PRELID2: variants seen among roughly 807,000 people sequenced by gnomAD.
PRELID2 encodes the protein PRELI domain-containing protein 2.
A neutral mutation model predicts 28.4 loss-of-function variants in PRELID2; 25 were observed. The ratio of observed to expected loss-of-function variants is 0.88; its 90% confidence interval spans 0.64 to 1.23. The LOEUF (loss-of-function observed/expected upper bound fraction) is 1.23. Among genes scored for constraint, PRELID2 ranks in the 50% most tolerant of loss-of-function variants. The probability of loss-of-function intolerance (pLI) is 0.00; values close to 1 mark genes in which losing one functional copy is unlikely to be tolerated. For missense variants in PRELID2, 201 were observed against 214.4 expected (o/e 0.94, Z 0.39); for synonymous variants, 76 against 71.6 (o/e 1.06, Z -0.31).
At chr5:145,410,828 C>T in the PRELID2 span, among the ~76,000 whole-genome samples, 1 of 152,130 alleles carries the variant, frequency 6.6e-6, no homozygotes, top group African/African-American at 2.4e-5. Context: ...CATACCTTTT[C>T]AACCATCTCT....
intron 1 of PRELID2, among the ~76,000 whole-genome samples, chr5:145,632,391 G>A (rs1687987985): frequency 6.6e-6 from 1 of 152,108 alleles, no homozygotes; most frequent in African/African-American, 2.4e-5. Context: ...ACAATAAGAA[G>A]TTGATAATTT....
At chr5:145,650,531 C>CATATATATAT (rs56324486) in intron 1 of PRELID2, among the ~76,000 whole-genome samples, 35 of 68,688 alleles carry the variant, frequency 5.1e-4, no homozygotes, top group South Asian at 1.2e-3. Context: ...CACATATATA[C>CATATATATAT]ATATATATAT....
the PRELID2 span, among the ~76,000 whole-genome samples, chr5:145,286,482 C>T: frequency 6.6e-6 from 1 of 152,080 alleles, no homozygotes; most frequent in South Asian, 2.1e-4. Flanking sequence ...GAGACTGAGG[C>T]TCAGAGATGA....
At chr5:145,742,984 T>C (rs1756877408) in intron 1 of PRELID2, among the ~76,000 whole-genome samples, 1 of 151,968 alleles carries the variant, frequency 6.6e-6, no homozygotes, top group Admixed American at 6.6e-5. Context: ...GACCAATTTC[T>C]CAAAAAATAT....
intron 4 of PRELID2, among the ~76,000 whole-genome samples, chr5:145,816,223 T>C (rs1016052008): frequency 1.3e-5 from 2 of 151,168 alleles, no homozygotes; most frequent in Admixed American, 6.6e-5. Flanking sequence ...GTTGAAACCA[T>C]AGGCATGCAC....
chr5:145,544,489 T>C (rs963133156), intron 1 of PRELID2, among the ~76,000 whole-genome samples: 6 of 152,098 alleles, frequency 3.9e-5, no homozygotes, highest in Non-Finnish European at 7.4e-5. Context: ...TGACATTCTA[T>C]TATAGATCAG....
chr5:145,612,757 A>C (rs568091457), intron 1 of PRELID2, among the ~76,000 whole-genome samples: 1 of 152,316 alleles, frequency 6.6e-6, no homozygotes, highest in African/African-American at 2.4e-5. Flanking sequence ...AATAGTCTCC[A>C]ACTCATCCAG....
intron 1 of PRELID2, among the ~76,000 whole-genome samples, chr5:145,703,007 A>G (rs555994189): frequency 6.6e-6 from 1 of 152,294 alleles, no homozygotes; most frequent in Admixed American, 6.5e-5. Context: ...TCAACTCTCA[A>G]CCCTAACAAA....
chr5:145,579,030 G>A (rs1305243814), intron 1 of PRELID2, among the ~76,000 whole-genome samples: 1 of 151,994 alleles, frequency 6.6e-6, no homozygotes, highest in Non-Finnish European at 1.5e-5. Flanking sequence ...CTCATCAGTT[G>A]TATGGGCCAT....
At chr5:145,390,679 A>T in the PRELID2 span, among the ~76,000 whole-genome samples, 3 of 152,108 alleles carry the variant, frequency 2.0e-5, no homozygotes, top group Non-Finnish European at 4.4e-5. Context: ...ATTTCAAAAC[A>T]CCGTCATCCC....
At chr5:145,727,602 C>A (rs1414233693) in intron 1 of PRELID2, among the ~76,000 whole-genome samples, 2 of 152,188 alleles carry the variant, frequency 1.3e-5, no homozygotes, top group African/African-American at 4.8e-5. Flanking sequence ...GCTTCTGCAT[C>A]TGTAAACTAA....
At chr5:145,380,382 G>C in the PRELID2 span, among the ~76,000 whole-genome samples, 1 of 152,100 alleles carries the variant, frequency 6.6e-6, no homozygotes, top group Non-Finnish European at 1.5e-5. Flanking sequence ...TTAGGAGCAC[G>C]CCAGTTCTTA....
intron 1 of PRELID2, among the ~76,000 whole-genome samples, chr5:145,668,888 T>C (rs184548210): frequency 2.0e-5 from 3 of 152,134 alleles, no homozygotes; most frequent in African/African-American, 7.2e-5. Context: ...TTTGCTTGAC[T>C]AATAGCTTAA....
the PRELID2 span, among the ~76,000 whole-genome samples, chr5:145,342,264 C>G: frequency 1.3e-5 from 2 of 152,042 alleles, no homozygotes; most frequent in African/African-American, 2.4e-5. Context: ...AAAAGAGTCC[C>G]AAGCCTAGAA....
At chr5:145,375,144 T>G in the PRELID2 span, among the ~76,000 whole-genome samples, 1 of 152,162 alleles carries the variant, frequency 6.6e-6, no homozygotes, top group African/African-American at 2.4e-5. Context: ...TTGAGGATGC[T>G]GACCCTTGAA....
At chr5:145,281,413 C>A in the PRELID2 span, among the ~76,000 whole-genome samples, 3 of 152,258 alleles carry the variant, frequency 2.0e-5, no homozygotes, top group East Asian at 5.8e-4. Flanking sequence ...AGCCCCTACC[C>A]TTTAGTGATT....
intron 1 of PRELID2, among the ~76,000 whole-genome samples, chr5:145,629,114 A>G (rs930016155): frequency 3.3e-5 from 5 of 152,222 alleles, no homozygotes; most frequent in Admixed American, 6.5e-5. Context: ...CCTTAGCTGC[A>G]CGTGGCTGTT....
chr5:145,518,802 C>A (rs1752540718), intron 1 of PRELID2, among the ~76,000 whole-genome samples: 1 of 152,160 alleles, frequency 6.6e-6, no homozygotes, highest in African/African-American at 2.4e-5. Flanking sequence ...TGGCATCTAG[C>A]AGACAGAGGC....
At chr5:145,666,515 C>T (rs760045732) in intron 1 of PRELID2, among the ~76,000 whole-genome samples, 1 of 152,152 alleles carries the variant, frequency 6.6e-6, no homozygotes, top group South Asian at 2.1e-4. Flanking sequence ...TACATACACA[C>T]AAAATGGTGA....
Sources: allele counts gnomAD v4.1 joint callset (sites outside exome capture counted in the v4.1 genomes callset), GRCh38; gene constraint gnomAD v4.1.1; transcripts MANE v1.5; gene names NCBI Gene and HGNC (gene_info 2026-07-23, HGNC 2026-07-21).